LAMA5: variants seen among roughly 807,000 people sequenced by gnomAD.
LAMA5 encodes laminin subunit alpha 5, also known as laminin subunit alpha-5.
A neutral mutation model predicts 433.4 loss-of-function variants in LAMA5; 260 were observed. That is an observed-to-expected ratio of 0.60 (90% confidence interval 0.54 to 0.66). LAMA5 has a LOEUF of 0.66. Among genes scored for constraint, LAMA5 ranks in the 30% least tolerant of loss-of-function variants. LAMA5 has a pLI of 0.00. For missense variants in LAMA5, 5,378 were observed against 5,258.5 expected, an observed-to-expected ratio of 1.02 and a Z score of -0.70; for synonymous variants, 2,620 against 2,226.6, an observed-to-expected ratio of 1.18 and a Z score of -4.97.
At chr20:62,364,536 A>G (rs1986506863) in intron 1 of LAMA5, among the ~76,000 whole-genome samples, 1 of 152,176 alleles carries the variant, frequency 6.6e-6, no homozygotes, top group Non-Finnish European at 1.5e-5. Flanking sequence ...CAGGGTTGGG[A>G]AAACCAGGCT....
chr20:62,328,537 G>T, intron 34 of LAMA5, 92 bp from the exon 35 acceptor site: 2 of 1,315,700 alleles, frequency 1.5e-6, no homozygotes, highest in South Asian at 1.6e-5. Context: ...GTGGCAGTGT[G>T]ACGGGGGCGG....
In LAMA5 at chr20:62,333,956, A is replaced by G; in HGVS notation, c.2823T>C (p.Ser941=). The G allele has an allele frequency of 1.9e-6, 3 of 1,612,584 alleles. No homozygotes were observed. The highest frequency in any genetic ancestry group is 2.5e-6 in the Non-Finnish European group (3 of 1,179,756). ...VFRYVNRGAM[S]VSGRVSVREE... ...CTCGCACAGAGACCCGCCCGCTCAC[A>G]CTCATGGCCCCCCGGTTGACGTATC... is the stretch of plus-strand genomic sequence containing the variant. Residue 941 remains serine (S), a synonymous_variant, in exon 23 of 80, where the codon AGT becomes AGC. Coordinates refer to ENST00000252999, the MANE Select transcript of LAMA5 (RefSeq NM_005560.6).
In LAMA5 at chr20:62,317,474, A is replaced by G; in HGVS notation, c.7382T>C (p.Leu2461Pro). 6.4e-7 allele frequency: 1 copy of G among 1,557,672 alleles called. No individual in the cohort carries two copies. The highest frequency in any genetic ancestry group is 8.7e-7 in the Non-Finnish European group (1 of 1,148,868). The change falls in exon 55 of 80, where the codon CTG becomes CCG. Residue 2461 changes from leucine (L) to proline (P), a missense_variant. By Grantham distance (98) the Leu-to-Pro change is moderately conservative (BLOSUM62 -3). Transcript: ENST00000252999. ...CAGCAGTGGGGTCCGAGCCCCATCC[A>G]GGCTGGCGGCGAGGCGCTCCAGCTC... ...KEELERLAASLDGARTPLLQR... is the reference protein window; with the variant it reads ...KEELERLAASPDGARTPLLQR...
At chr20:62,350,728 CTGCACTG>C (rs1295679578) in intron 6 of LAMA5, among the ~76,000 whole-genome samples, 7 of 152,200 alleles carry the variant, frequency 4.6e-5, no homozygotes, top group Non-Finnish European at 8.8e-5. Context: ...AGCCCCATGC[CTGCACTG>C]CCACCCTAGG....
chr20:62,355,715 AC>A (rs1985102729), intron 2 of LAMA5, among the ~76,000 whole-genome samples: 2 of 151,844 alleles, frequency 1.3e-5, no homozygotes, highest in South Asian at 2.1e-4. Context: ...TCAGGGACAG[AC>A]CCTATACCCA....
In LAMA5 at chr20:62,330,082, G is replaced by A. The variant is rs568998178; in HGVS notation, c.3980-166C>T. Reference sequence around the variant, plus strand: ...CTGCAAGGCCGGCCCCTCATGTCACGGGGGTTGGCCGCATCATGACCTACA... The same window carrying A: ...CTGCAAGGCCGGCCCCTCATGTCACAGGGGTTGGCCGCATCATGACCTACA... On this transcript the variant is annotated intron_variant, in intron 31 of 79. Coordinates refer to ENST00000252999, the MANE Select transcript of LAMA5 (RefSeq NM_005560.6). Among the ~76,000 whole-genome samples, 36 of 152,362 alleles carry A rather than the reference G, an allele frequency of 2.4e-4. No individual in the cohort carries two copies. The South Asian group carries it at 2.7e-3, about 11-fold the overall frequency.
chr20:62,364,291 C>T (rs573959263), intron 1 of LAMA5, among the ~76,000 whole-genome samples: 1 of 152,154 alleles, frequency 6.6e-6, no homozygotes, highest in African/African-American at 2.4e-5. Flanking sequence ...GTGTGGGCGG[C>T]GCCCTCTGGC....
intron 45 of LAMA5, 57 bp from the exon 46 acceptor site, chr20:62,322,815 C>T: frequency 2.6e-6 from 3 of 1,154,440 alleles, no homozygotes; most frequent in Non-Finnish European, 3.5e-6. Context: ...CAGGGAGCCC[C>T]TAGGCACCCT....
chr20:62,309,083 T>A lies in LAMA5; in HGVS notation c.*253A>T. The A allele has an allele frequency of 3.3e-6, 2 of 607,254 alleles. No homozygotes were observed. The highest frequency in any genetic ancestry group is 5.5e-6 in the Non-Finnish European group (2 of 363,456). The allele number at this position is 607,254 out of a possible 1,614,324, so 37.6% of individuals were successfully genotyped here. On this transcript the variant is annotated 3_prime_UTR_variant, in exon 80 of 80. Coordinates refer to ENST00000252999, the MANE Select transcript of LAMA5 (RefSeq NM_005560.6). ...CATTCGGTTACACAGAAGTTACTTT[T>A]TAATTTTTAAGGAGGAACCAGTGAT...
chr20:62,353,428 T>TCCCCAGGGATGGAGATGAG (rs1984678553), intron 2 of LAMA5, 177 bp from the exon 3 acceptor site: 3 of 521,514 alleles, frequency 5.8e-6, no homozygotes, highest in Non-Finnish European at 1.0e-5. Flanking sequence ...GGGAGAGGGC[T>TCCCCAGGGATGGAGATGAG]CCCCAGGGAT....
At position 62,337,786 on chromosome 20, in the gene LAMA5, T is replaced by C. The variant is rs770863334; in HGVS notation, c.2026+18A>G. 1 of 1,610,174 alleles carries C rather than the reference T, an allele frequency of 6.2e-7. No homozygotes were observed. The highest frequency in any genetic ancestry group is 1.1e-5 in the South Asian group (1 of 90,914). On this transcript the variant is annotated intron_variant, in intron 15 of 79. Transcript: ENST00000252999. The stretch of plus-strand genomic sequence containing the variant: ...AGACTGCACCTGCCTCCCCACCACT[T>C]CCTCCCTAGGCACTCACGGACACAG...
chr20:62,316,747 G>A lies in LAMA5; in HGVS notation c.7680C>T (p.Asp2560=). The change falls in exon 57 of 80, where the codon GAC becomes GAT. Residue 2560 remains aspartate (D), a synonymous_variant. Coordinates refer to ENST00000252999, the MANE Select transcript of LAMA5 (RefSeq NM_005560.6). ...TGTTGGCCAGGAGCTGCTGGGCTCG[G>A]TCCACCAGGCCCTGCCGCACCACCG... ...WATVVRQGLV[D]RAQQLLANST... is the part of the protein sequence containing the mutation. 3.1e-6 allele frequency: 5 copies of A among 1,608,468 alleles called. No individual in the cohort carries two copies. The highest frequency in any genetic ancestry group is 3.4e-6 in the Non-Finnish European group (4 of 1,177,772).
At position 62,362,497 on chromosome 20, in the gene LAMA5, C is replaced by T. The variant is rs748800659; in HGVS notation, c.353G>A (p.Ser118Asn). The change falls in exon 2 of 80, where the codon AGC (serine) becomes AAC (asparagine). Residue 118 changes from serine to asparagine, a missense_variant. By Grantham distance (46) the Ser-to-Asn change is conservative (BLOSUM62 1). Coordinates refer to ENST00000252999, the MANE Select transcript of LAMA5 (RefSeq NM_005560.6). ...AANSNKAHPA[S>N]NAIDGTERWW... ...GCGCTCCGTGCCATCGATGGCATTG[C>T]TCGCGGGGTGTGCCTTGTTGCTGTT... The T allele has an allele frequency of 1.9e-6, 3 of 1,605,422 alleles. No homozygotes were observed. The highest frequency in any genetic ancestry group is 2.3e-5 in the East Asian group (1 of 44,392).
intron 11 of LAMA5, among the ~76,000 whole-genome samples, chr20:62,340,732 C>G (rs1982463200): frequency 6.6e-6 from 1 of 152,034 alleles, no homozygotes; most frequent in African/African-American, 2.4e-5. Context: ...ATCTCAAATT[C>G]CAAAAACAAA....
chr20:62,309,454 C>G lies in LAMA5; in HGVS notation c.10970G>C (p.Trp3657Ser). The change falls in exon 80 of 80, where the codon TGG (tryptophan) becomes TCG (serine). Residue 3657 changes from tryptophan (W) to serine (S), a missense_variant. Coordinates refer to ENST00000252999, the MANE Select transcript of LAMA5 (RefSeq NM_005560.6). ...GLPEPMAVQP[W>S]PPAYCGCMRR... ...CATGCAGCCGCAGTAGGCGGGGGGC[C>G]AGGGCTGCACGGCCATGGGCTCTGG... The G allele has an allele frequency of 6.3e-7, 1 of 1,582,972 alleles. No homozygotes were observed. Among genetic ancestry groups the G allele is most frequent in the African/African-American group, 1.3e-5 (1 of 74,806 alleles).
intron 31 of LAMA5, among the ~76,000 whole-genome samples, chr20:62,330,258 A>G (rs1365869095): frequency 6.6e-6 from 1 of 152,268 alleles, no homozygotes. Flanking sequence ...GCCATGGAGC[A>G]CAACGGGGCT....
rs376081597 is a variant in LAMA5, at chr20:62,314,957, G to C, written c.8048-10C>G. On this transcript the variant is annotated splice_polypyrimidine_tract_variant and intron_variant, in intron 59 of 79. Coordinates refer to ENST00000252999, the MANE Select transcript of LAMA5 (RefSeq NM_005560.6). ...TTCTCCAGGGTGGACACTGCAGAGA[G>C]GGAGACCTGAGACCTTTGCCCCCCA... 1 of 1,590,760 alleles carries C rather than the reference G, an allele frequency of 6.3e-7. No individual in the cohort carries two copies.
rs746673792 is a variant in LAMA5 at position 62,331,107 on chromosome 20, A to G, written c.3575T>C (p.Ile1192Thr). Residue 1192 changes from isoleucine to threonine, a missense_variant, in exon 29 of 80, where the codon ATT (isoleucine) becomes ACT (threonine). Transcript: ENST00000252999. ...FFLHGVTLVP[I>T]EEFSPEFVEP... The stretch of plus-strand genomic sequence containing the variant: ...CACGAACTCCGGGCTGAACTCCTCA[A>G]TGGGCACCAGAGTGACCCCGTGCTG... The G allele has an allele frequency of 1.9e-5, 30 of 1,596,314 alleles. No homozygotes were observed. Among genetic ancestry groups the G allele is most frequent in the Non-Finnish European group, 2.4e-5 (28 of 1,171,652 alleles).
chr20:62,309,422 G>C lies in LAMA5; in HGVS notation c.11002C>G (p.Leu3668Val). 1 of 1,584,478 alleles carries C rather than the reference G, an allele frequency of 6.3e-7. No homozygotes were observed. The highest frequency in any genetic ancestry group is 8.5e-7 in the Non-Finnish European group (1 of 1,174,276). The change falls in exon 80 of 80, where the codon CTG (leucine) becomes GTG (valine). Residue 3668 changes from leucine (L) to valine (V), a missense_variant. By Grantham distance (32) the Leu-to-Val change is conservative. Transcript: ENST00000252999. ...GCGACGGGGGACCGGTTCACCGCCA[G>C]CCTCCTCATGCAGCCGCAGTAGGCG... ...PPAYCGCMRR[L>V]AVNRSPVAMT...
Sources: gnomAD v4.1 joint callset for allele counts (sites outside exome capture counted in the v4.1 genomes callset) on GRCh38, gnomAD v4.1.1 for gene constraint, MANE v1.5 for transcripts, NCBI Gene and HGNC (gene_info 2026-07-23, HGNC 2026-07-21) for gene names.